The following PKP3 variants were observed in gnomAD, a reference collection of about 807,000 sequenced individuals.
The protein encoded by PKP3 is plakophilin-3.
PKP3 carries 66 observed loss-of-function variants against 76.5 expected under a neutral mutation model. The observed-to-expected ratio is 0.86, with a 90% CI of 0.71 to 1.06. The LOEUF is 1.06. PKP3 is among the 50% of genes least tolerant of loss of function. PKP3 has a pLI of 0.00. For synonymous variants in PKP3, 638 were observed against 516.5 expected (o/e 1.24, Z -3.19); for missense variants, 1,338 against 1,141.0 (o/e 1.17, Z -2.49).
intron 9 of PKP3, among the ~76,000 whole-genome samples, 160 bp from the exon 10 acceptor site, chr11:403,458 G>C (rs111232929): frequency 0.022 from 3,404 of 152,256 alleles, 66 homozygotes; most frequent in Non-Finnish European, 0.031. Flanking sequence ...GGAGGCACCT[G>C]ATCCGGGCTG....
At chr11:398,439 C>G (rs35170541) in intron 4 of PKP3, among the ~76,000 whole-genome samples, 25 of 1,054 alleles carry the variant, frequency 0.024, no homozygotes, top group East Asian at 0.25. Flanking sequence ...CGTCACCTCC[C>G]TACCCCCGCA....
chr11:397,245 G>A lies in PKP3; in HGVS notation c.744G>A (p.Val248=). 6.3e-7 allele frequency: 1 copy of A among 1,599,898 alleles called. No homozygotes were observed. The highest frequency in any genetic ancestry group is 1.1e-5 in the South Asian group (1 of 90,668). ...SPSRTIRAPA[V]RTLQRFQSSH... is the part of the protein sequence containing the mutation. The stretch of plus-strand genomic sequence containing the variant: ...GCCGGACCATCCGTGCCCCTGCCGT[G>A]CGGACCCTGCAGCGATTCCAGAGCA... The change falls in exon 3 of 13, where the codon GTG becomes GTA. Residue 248 remains valine, a synonymous_variant. Coordinates refer to ENST00000331563, the MANE Select transcript of PKP3 (RefSeq NM_007183.4).
chr11:393,065 G>A (rs1003523688), upstream of PKP3, among the ~76,000 whole-genome samples: 1 of 151,910 alleles, frequency 6.6e-6, no homozygotes, highest in Admixed American at 6.5e-5. Context: ...GGTTGTCATA[G>A]ATGTTCAGCT....
chr11:396,727 C>G (rs1847050372), intron 2 of PKP3, 40 bp downstream of exon 2: 1 of 1,590,552 alleles, frequency 6.3e-7, no homozygotes, highest in African/African-American at 1.3e-5. Flanking sequence ...GATCTGAGCT[C>G]TGCAGTCTGG....
intron 4 of PKP3, among the ~76,000 whole-genome samples, chr11:398,573 G>C (rs376460253): frequency 1.0e-3 from 3 of 3,008 alleles, no homozygotes; most frequent in Admixed American, 4.0e-3. Context: ...GCACACACCT[G>C]CGTCACCTCC....
chr11:397,133 G>C lies in PKP3; in HGVS notation c.632G>C (p.Arg211Thr). Residue 211 changes from arginine to threonine, a missense_variant, in exon 3 of 13, where the codon AGG (arginine) becomes ACG (threonine). Transcript: ENST00000331563. ...GAGCCCGCGGCCACCTCCACCTACAGGGCCTTTGCGTACGAGCGCCAGGCC... is the reference window on the plus strand; with the variant it reads ...GAGCCCGCGGCCACCTCCACCTACACGGCCTTTGCGTACGAGCGCCAGGCC... The part of the protein sequence containing the change: ...QLEPAATSTY[R>T]AFAYERQASS... The C allele has an allele frequency of 6.3e-7, 1 of 1,598,020 alleles. No homozygotes were observed. The highest frequency in any genetic ancestry group is 8.5e-7 in the Non-Finnish European group (1 of 1,179,266).
Position 400,080 on chromosome 11 carries a change from C to T in PKP3, c.1387C>T (p.Pro463Ser), listed in dbSNP as rs1590356758. The T allele has an allele frequency of 6.3e-7, 1 of 1,598,352 alleles. No individual in the cohort carries two copies. The highest frequency in any genetic ancestry group is 1.1e-5 in the South Asian group (1 of 89,166). ...CCCCCTGTCGGGGGCTGGGGGTCCC[C>T]CCCTCATCCAGCAGAACGCCTCGGA... is the stretch of plus-strand genomic sequence containing the variant. ...LSPLSGAGGP[P>S]LIQQNASEAE... is the part of the protein sequence containing the mutation. Residue 463 changes from proline to serine, a missense_variant, in exon 6 of 13, where the codon CCC (proline) becomes TCC (serine). Pro to Ser is a moderately conservative substitution (Grantham distance 74, BLOSUM62 -1). Coordinates refer to ENST00000331563, the MANE Select transcript of PKP3 (RefSeq NM_007183.4).
At chr11:392,820 C>T, upstream of PKP3, 1 of 457,960 alleles carries the variant, frequency 2.2e-6, no homozygotes, top group Non-Finnish European at 4.2e-6. Flanking sequence ...CCCACGCTGA[C>T]CTCCGACTCC....
At position 394,266 on chromosome 11, in the gene PKP3, A is replaced by G; in HGVS notation, c.-27A>G. 1 of 1,471,554 alleles carries G rather than the reference A, an allele frequency of 6.8e-7. No individual in the cohort carries two copies. Among genetic ancestry groups the G allele is most frequent in the Non-Finnish European group, 8.9e-7 (1 of 1,118,072 alleles). 91.2% of individuals were successfully genotyped at this position (1,471,554 alleles called of 1,614,324 possible). On this transcript the variant is annotated 5_prime_UTR_variant, in exon 1 of 13. Coordinates refer to ENST00000331563, the MANE Select transcript of PKP3 (RefSeq NM_007183.4). ...ATAGTTGGGTTTGGAGGCGGCCGCC[A>G]GGCCCAGGCCCGGTGGACCTGCCGC... is the stretch of plus-strand genomic sequence containing the variant.
chr11:403,696 G>A lies in PKP3; in HGVS notation c.2002G>A (p.Asp668Asn), dbSNP rs375964684. The A allele has an allele frequency of 8.7e-6, 14 of 1,610,236 alleles. No homozygotes were observed. The highest frequency in any genetic ancestry group is 8.0e-5 in the African/African-American group (6 of 74,880). The change falls in exon 10 of 13, where the codon GAC becomes AAC. Residue 668 changes from aspartate to asparagine, a missense_variant. Coordinates refer to ENST00000331563, the MANE Select transcript of PKP3 (RefSeq NM_007183.4). ...NPLLDRVRTA[D>N]HHQLRSLTGL... ...CCTGCTAGACCGTGTCAGGACCGCC[G>A]ACCACCACCAGCTGCGCTCACTGAC...
chr11:403,699 C>T lies in PKP3; in HGVS notation c.2005C>T (p.His669Tyr). 1 of 1,610,434 alleles carries T rather than the reference C, an allele frequency of 6.2e-7. No homozygotes were observed. Among genetic ancestry groups the T allele is most frequent in the Non-Finnish European group, 8.5e-7 (1 of 1,179,796 alleles). ...GCTAGACCGTGTCAGGACCGCCGAC[C>T]ACCACCAGCTGCGCTCACTGACTGG... ...PLLDRVRTAD[H>Y]HQLRSLTGLI... The change falls in exon 10 of 13, where the codon CAC becomes TAC. Residue 669 changes from histidine to tyrosine, a missense_variant. Physicochemically the swap from His to Tyr is moderately conservative, Grantham distance 83. Coordinates refer to ENST00000331563, the MANE Select transcript of PKP3 (RefSeq NM_007183.4).
intron 9 of PKP3, 129 bp from the exon 10 acceptor site, chr11:403,489 G>C (rs1847193553): frequency 1.0e-6 from 1 of 963,604 alleles, no homozygotes; most frequent in Non-Finnish European, 1.5e-6. Flanking sequence ...CCCCCGGCTG[G>C]GGGGCAAAGG....
chr11:394,319 G>C lies in PKP3; in HGVS notation c.27G>C (p.Ser9=). The C allele has an allele frequency of 6.6e-7, 1 of 1,514,568 alleles. No individual in the cohort carries two copies. Among genetic ancestry groups the C allele is most frequent in the Non-Finnish European group, 8.8e-7 (1 of 1,138,126 alleles). 93.8% of individuals were successfully genotyped at this position (1,514,568 alleles called of 1,614,324 possible). A position where few individuals can be genotyped will look rare whatever the true frequency, so the allele number is the denominator to read the frequency against. Residue 9 remains serine (S), a synonymous_variant, in exon 1 of 13, where the codon TCG becomes TCC. Transcript: ENST00000331563. Reference sequence around the variant, plus strand: ...TGCAGGACGGTAACTTCCTGCTGTCGGCCCTGCAGCCTGAGGCCGGCGTGT... The same window carrying C: ...TGCAGGACGGTAACTTCCTGCTGTCCGCCCTGCAGCCTGAGGCCGGCGTGT... MQDGNFLL[S]ALQPEAGVCS... is the part of the protein sequence containing the mutation.
chr11:397,554 C>A lies in PKP3; in HGVS notation c.960C>A (p.Asp320Glu), dbSNP rs372449553. The A allele has an allele frequency of 1.3e-5, 21 of 1,612,136 alleles. No individual in the cohort carries two copies. Among genetic ancestry groups the A allele is most frequent in the Non-Finnish European group, 1.4e-5 (17 of 1,179,616 alleles). The stretch of plus-strand genomic sequence containing the variant: ...GGCTCCGCAGTTTTGATGACATTGA[C>A]CTGCCCTCAGCAGTCAAGTACCTCA... ...QRLSSGFDDI[D>E]LPSAVKYLMA... Residue 320 changes from aspartate to glutamate, a missense_variant, in exon 4 of 13, where the codon GAC becomes GAA. Asp to Glu is a conservative substitution (Grantham distance 45). Transcript: ENST00000331563.
Position 398,989 on chromosome 11 carries a change from C to T in PKP3, c.1069-3C>T. ...GTGCACCCCCATATGCCTGTGCCCG[C>T]AGGCCCGCAGCCTTCAGGCCGTGCC... On this transcript the variant is annotated splice_region_variant and splice_polypyrimidine_tract_variant and intron_variant, in intron 4 of 12. Coordinates refer to ENST00000331563, the MANE Select transcript of PKP3 (RefSeq NM_007183.4). 15 of 1,560,424 alleles carry T rather than the reference C, an allele frequency of 9.6e-6. No homozygotes were observed. The highest frequency in any genetic ancestry group is 2.7e-5 in the African/African-American group (2 of 73,904).
rs955009105 is a variant in PKP3 at position 404,896 on chromosome 11, C to T, written c.*327C>T. The T allele has an allele frequency of 7.7e-6, 3 of 390,376 alleles. No individual in the cohort carries two copies. The highest frequency in any genetic ancestry group is 5.3e-5 in the East Asian group (1 of 18,884). 24.2% of individuals were successfully genotyped at this position (390,376 alleles called of 1,614,324 possible). ...TAGCCAGCACTGGGAATAAAGATGG[C>T]CATGAACAGTCACTGCCCTGTGTCC... On this transcript the variant is annotated 3_prime_UTR_variant, in exon 13 of 13. Coordinates refer to ENST00000331563, the MANE Select transcript of PKP3 (RefSeq NM_007183.4). The surrounding 1 kb of genome is among the most constrained non-coding windows in gnomAD (Gnocchi z 4.2).
At chr11:400,311 C>G in intron 6 of PKP3, 23 bp from the exon 7 acceptor site, 3 of 1,529,598 alleles carry the variant, frequency 2.0e-6, no homozygotes, top group South Asian at 1.2e-5. Context: ...CCCTGGGGGG[C>G]TCTGATCCAC....
At chr11:393,223 A>C (rs1410472407), upstream of PKP3, among the ~76,000 whole-genome samples, 2 of 147,518 alleles carry the variant, frequency 1.4e-5, no homozygotes, top group African/African-American at 5.0e-5. Flanking sequence ...GGGCCCCCCC[A>C]CCAGGGGCCC....
chr11:403,566 AG>A (rs1307529416), intron 9 of PKP3, 51 bp from the exon 10 acceptor site: 2 of 1,561,336 alleles, frequency 1.3e-6, no homozygotes, highest in Non-Finnish European at 8.7e-7. Flanking sequence ...GGACCCCCTC[AG>A]GTGAGGGTCT....
Sources: gnomAD v4.1 joint callset for allele counts (sites outside exome capture counted in the v4.1 genomes callset) on GRCh38, gnomAD v4.1.1 for gene constraint, Gnocchi (gnomAD v3.1) non-coding constraint, MANE v1.5 for transcripts, NCBI Gene and HGNC (gene_info 2026-07-23, HGNC 2026-07-21) for gene names.